Variants in DTWD2 observed in about 807,000 individuals in gnomAD.
DTWD2 encodes tRNA-uridine aminocarboxypropyltransferase 2.
In DTWD2, 39 loss-of-function variants were observed where a neutral mutation model predicts 31.8. The observed-to-expected ratio is 1.22, with a 90% CI of 0.95 to 1.60. The LOEUF is 1.60. Ranked by LOEUF, DTWD2 falls within the 40% of genes most tolerant of loss-of-function variation. The probability of loss-of-function intolerance (pLI) is 0.00; values close to 1 mark genes in which losing one functional copy is unlikely to be tolerated. For synonymous variants in DTWD2, 180 were observed against 142.8 expected (o/e 1.26, Z -1.86); for missense variants, 515 against 381.5 (o/e 1.35, Z -2.92).
intron 1 of DTWD2, among the ~76,000 whole-genome samples, chr5:118,987,402 C>G (rs1223924689): frequency 1.3e-5 from 2 of 152,170 alleles, no homozygotes; most frequent in Non-Finnish European, 2.9e-5. Flanking sequence ...AAGTGTGATA[C>G]TCCAAGTATT....
At chr5:118,981,802 A>G (rs957395843) in intron 1 of DTWD2, among the ~76,000 whole-genome samples, 1 of 152,244 alleles carries the variant, frequency 6.6e-6, no homozygotes, top group African/African-American at 2.4e-5. Flanking sequence ...CAATAATTTA[A>G]AAATTGCTTA....
At chr5:118,955,461 C>G (rs895494983) in intron 1 of DTWD2, among the ~76,000 whole-genome samples, 2 of 152,124 alleles carry the variant, frequency 1.3e-5, no homozygotes, top group African/African-American at 4.8e-5. Flanking sequence ...TAAAATCTCT[C>G]TAGAAGGTTT....
intron 2 of DTWD2, 65 bp downstream of exon 2, chr5:118,944,494 T>A: frequency 2.0e-6 from 3 of 1,481,004 alleles, no homozygotes; most frequent in South Asian, 2.3e-5. Context: ...TAAGTATGTT[T>A]ATCTTCGTGT....
chr5:118,957,102 C>G (rs1046386775), intron 1 of DTWD2, among the ~76,000 whole-genome samples: 2 of 152,184 alleles, frequency 1.3e-5, no homozygotes, highest in Non-Finnish European at 2.9e-5. Context: ...CCATGTCTGA[C>G]TGCTTCAAGT....
At chr5:118,892,806 A>T (rs1753003161) in intron 4 of DTWD2, among the ~76,000 whole-genome samples, 2 of 152,168 alleles carry the variant, frequency 1.3e-5, no homozygotes, top group Admixed American at 6.5e-5. Flanking sequence ...AGCTCCATAA[A>T]TATGAAACAA....
intron 2 of DTWD2, among the ~76,000 whole-genome samples, chr5:118,940,205 A>G (rs941110003): frequency 5.3e-5 from 8 of 152,182 alleles, no homozygotes; most frequent in African/African-American, 1.9e-4. Context: ...ACTGGAAACC[A>G]TCTTTCTTGT....
At chr5:118,862,410 G>A (rs1752281955) in intron 4 of DTWD2, among the ~76,000 whole-genome samples, 1 of 152,012 alleles carries the variant, frequency 6.6e-6, no homozygotes. Flanking sequence ...CTATTCCTAG[G>A]GTAAAGCAAA....
intron 4 of DTWD2, among the ~76,000 whole-genome samples, chr5:118,873,101 C>A (rs1047685484): frequency 6.6e-6 from 1 of 152,184 alleles, no homozygotes; most frequent in African/African-American, 2.4e-5. Flanking sequence ...GCCTCTGGAT[C>A]CCTGGCAGAA....
At chr5:118,866,212 T>G (rs1323252558) in intron 4 of DTWD2, among the ~76,000 whole-genome samples, 1 of 152,144 alleles carries the variant, frequency 6.6e-6, no homozygotes, top group Non-Finnish European at 1.5e-5. Flanking sequence ...GCCAGAGAAG[T>G]CACTTAAAGT....
chr5:118,978,622 A>C (rs568830322), intron 1 of DTWD2, among the ~76,000 whole-genome samples: 61 of 152,322 alleles, frequency 4.0e-4, no homozygotes, highest in Admixed American at 7.2e-4. Flanking sequence ...CAAACATAAG[A>C]AAAAAAGCTC....
At chr5:118,983,811 C>A (rs761149321) in intron 1 of DTWD2, among the ~76,000 whole-genome samples, 1 of 152,142 alleles carries the variant, frequency 6.6e-6, no homozygotes, top group South Asian at 2.1e-4. Context: ...GAGCTAGAGA[C>A]CCAATTCTGC....
intron 1 of DTWD2, among the ~76,000 whole-genome samples, chr5:118,983,811 C>T (rs761149321): frequency 6.6e-6 from 1 of 152,142 alleles, no homozygotes; most frequent in African/African-American, 2.4e-5. Context: ...GAGCTAGAGA[C>T]CCAATTCTGC....
At chr5:118,858,349 CT>C (rs1752185740) in intron 4 of DTWD2, among the ~76,000 whole-genome samples, 1 of 152,164 alleles carries the variant, frequency 6.6e-6, no homozygotes, top group Non-Finnish European at 1.5e-5. Flanking sequence ...TCAATAAAAG[CT>C]TTCCCCACCC....
At chr5:118,943,071 T>G (rs1174481425) in intron 2 of DTWD2, among the ~76,000 whole-genome samples, 1 of 152,182 alleles carries the variant, frequency 6.6e-6, no homozygotes, top group Non-Finnish European at 1.5e-5. Flanking sequence ...CCCAAAGTGC[T>G]GGAATTATAA....
At chr5:118,939,380 T>C (rs1021218697) in intron 2 of DTWD2, 90 bp from the exon 3 acceptor site, 15 of 1,134,544 alleles carry the variant, frequency 1.3e-5, no homozygotes, top group African/African-American at 1.6e-5. Context: ...TTCATAACTT[T>C]ATGCATAACT....
intron 1 of DTWD2, among the ~76,000 whole-genome samples, chr5:118,972,246 G>A (rs1045455225): frequency 6.6e-6 from 1 of 152,196 alleles, no homozygotes; most frequent in East Asian, 1.9e-4. Flanking sequence ...AAGAAGAAAA[G>A]GTGGAAGAAT....
chr5:118,953,144 G>A (rs990269390), intron 1 of DTWD2, among the ~76,000 whole-genome samples: 1 of 152,186 alleles, frequency 6.6e-6, no homozygotes, highest in African/African-American at 2.4e-5. Flanking sequence ...CAGTAAGCCT[G>A]AGAATGTGCA....
At chr5:118,960,983 T>C (rs1479702663) in intron 1 of DTWD2, among the ~76,000 whole-genome samples, 1 of 152,090 alleles carries the variant, frequency 6.6e-6, no homozygotes, top group Non-Finnish European at 1.5e-5. Flanking sequence ...ACTATGCTAC[T>C]TACCTGGGTG....
chr5:118,914,065 T>A (rs1247935775), intron 4 of DTWD2, among the ~76,000 whole-genome samples: 4 of 152,194 alleles, frequency 2.6e-5, no homozygotes, highest in African/African-American at 9.7e-5. Context: ...TAGATATGCC[T>A]TCTTATCAGA....
Sources: allele counts gnomAD v4.1 joint callset (sites outside exome capture counted in the v4.1 genomes callset), GRCh38; gene constraint gnomAD v4.1.1; transcripts MANE v1.5; gene names NCBI Gene and HGNC (gene_info 2026-07-23, HGNC 2026-07-21).